Variants in PBRM1 observed in about 807,000 individuals in gnomAD.
PBRM1 encodes the protein polybromo 1, also known as protein polybromo-1.
Under a neutral mutation model 194.5 loss-of-function variants are expected in PBRM1, and 27 were observed. That is an observed-to-expected ratio of 0.14 (90% CI 0.10 to 0.19). The LOEUF (loss-of-function observed/expected upper bound fraction) is 0.19. Among genes scored for constraint, PBRM1 ranks in the 10% least tolerant of loss-of-function variants. The pLI is 1.00. For synonymous variants in PBRM1, 655 were observed against 693.2 expected (o/e 0.94, Z 0.87); for missense variants, 1,466 against 2,077.2 (o/e 0.71, Z 5.72).
chr3:52,640,831 G>C (rs1251992986), intron 10 of PBRM1, among the ~76,000 whole-genome samples: 1 of 151,726 alleles, frequency 6.6e-6, no homozygotes, highest in African/African-American at 2.4e-5. Flanking sequence ...TAGAGACACG[G>C]TTTCACCATG....
At chr3:52,684,570 T>C (rs2097278216), upstream of PBRM1, among the ~76,000 whole-genome samples, 1 of 152,250 alleles carries the variant, frequency 6.6e-6, no homozygotes, top group Non-Finnish European at 1.5e-5. Flanking sequence ...TTTTGGTATT[T>C]ATGCCTTAGT....
At chr3:52,572,503 C>G (rs2153614886) in intron 22 of PBRM1, among the ~76,000 whole-genome samples, 1 of 152,274 alleles carries the variant, frequency 6.6e-6, no homozygotes, top group East Asian at 1.9e-4. Context: ...CTCTGAGTAG[C>G]CGGGATTACA....
chr3:52,594,599 T>C (rs960259354), intron 17 of PBRM1, among the ~76,000 whole-genome samples: 2 of 152,244 alleles, frequency 1.3e-5, no homozygotes, highest in African/African-American at 4.8e-5. Flanking sequence ...AAGGTCAGTA[T>C]TGATATGTAT....
At chr3:52,613,354 A>C (rs990008710) in intron 15 of PBRM1, among the ~76,000 whole-genome samples, 1 of 134,872 alleles carries the variant, frequency 7.4e-6, no homozygotes, top group Admixed American at 7.3e-5. Context: ...TTTTTTTTGG[A>C]GGCAGGGTCT....
chr3:52,554,609 G>A (rs748355675), intron 27 of PBRM1, 115 bp downstream of exon 29: 11 of 827,402 alleles, frequency 1.3e-5, no homozygotes, highest in Non-Finnish European at 1.8e-5. Flanking sequence ...TGGATTCTCA[G>A]GGAGGGAAGG....
At position 52,651,967 on chromosome 3, in the gene PBRM1, C is replaced by A. The variant is rs573719349; in HGVS notation, c.646-157G>T. ...TGGCTGTACAGCACATTTATTATAT[C>A]AGAACCATAAAGAATTTAATCTTAA... On this transcript the variant is annotated intron_variant, in intron 5 of 29. Coordinates refer to ENST00000296302, the Ensembl canonical transcript of PBRM1. 7.2e-5 allele frequency among the ~76,000 whole-genome samples: 11 copies of A among 152,342 alleles called. No homozygotes were observed. The East Asian group carries it at 1.9e-3, about 27-fold the overall frequency.
intron 2 of PBRM1, among the ~76,000 whole-genome samples, chr3:52,671,456 C>T (rs1056184192): frequency 2.6e-5 from 4 of 152,196 alleles, no homozygotes; most frequent in African/African-American, 9.7e-5. Flanking sequence ...GTTTTGTATA[C>T]TTCAGTGTGA....
chr3:52,552,191 C>T (rs2081141933), intron 27 of PBRM1, among the ~76,000 whole-genome samples: 2 of 152,174 alleles, frequency 1.3e-5, no homozygotes, highest in African/African-American at 2.4e-5. Context: ...CCTCCCTGTG[C>T]CCTGGGACAC....
At chr3:52,674,794 T>C (rs190913848) in intron 2 of PBRM1, among the ~76,000 whole-genome samples, 15 of 150,694 alleles carry the variant, frequency 1.0e-4, no homozygotes, top group Admixed American at 5.3e-4. Flanking sequence ...ATATATACAA[T>C]ATATATATTT....
chr3:52,660,100 A>G (rs2153888738), intron 4 of PBRM1, among the ~76,000 whole-genome samples: 1 of 152,262 alleles, frequency 6.6e-6, no homozygotes, highest in East Asian at 1.9e-4. Context: ...CAAAAAAACA[A>G]AATTTGAAAG....
chr3:52,654,855 A>T (rs1368098911), intron 5 of PBRM1, among the ~76,000 whole-genome samples: 2 of 152,072 alleles, frequency 1.3e-5, no homozygotes, highest in Admixed American at 1.3e-4. Context: ...TGGCATGATC[A>T]CAGCTCACTG....
At chr3:52,580,752 T>A (rs2090952426) in intron 20 of PBRM1, among the ~76,000 whole-genome samples, 1 of 152,216 alleles carries the variant, frequency 6.6e-6, no homozygotes, top group Non-Finnish European at 1.5e-5. Flanking sequence ...TATGCCTTAG[T>A]TTCCTCATTT....
chr3:52,586,530 C>T (rs2092412955), exon 20 of PBRM1: 1 of 1,613,858 alleles, frequency 6.2e-7, no homozygotes, highest in African/African-American at 1.3e-5. Context: ...CCACGCGAAC[C>T]ACAGGCAGAG....
chr3:52,676,364 A>T (rs2097105448), intron 2 of PBRM1, among the ~76,000 whole-genome samples: 1 of 152,118 alleles, frequency 6.6e-6, no homozygotes, highest in Admixed American at 6.5e-5. Flanking sequence ...TGAATCATGG[A>T]GGCCAGTCTT....
At chr3:52,635,583 CA>C (rs1253344765) in intron 10 of PBRM1, among the ~76,000 whole-genome samples, 1 of 151,682 alleles carries the variant, frequency 6.6e-6, no homozygotes, top group African/African-American at 2.4e-5. Context: ...AATACAAAAA[CA>C]AAAAAACCTC....
At chr3:52,660,663 C>T (rs933801374) in intron 4 of PBRM1, among the ~76,000 whole-genome samples, 8 of 151,966 alleles carry the variant, frequency 5.3e-5, no homozygotes, top group African/African-American at 1.9e-4. Flanking sequence ...CAGGTGCCCA[C>T]CACCATGCCC....
At chr3:52,666,403 G>T (rs1320557571) in intron 3 of PBRM1, among the ~76,000 whole-genome samples, 1 of 152,134 alleles carries the variant, frequency 6.6e-6, no homozygotes, top group Non-Finnish European at 1.5e-5. Context: ...AGGCATGATG[G>T]TGGGTGCCTA....
intron 20 of PBRM1, among the ~76,000 whole-genome samples, chr3:52,581,528 G>T (rs1418449832): frequency 6.6e-6 from 1 of 151,598 alleles, no homozygotes; most frequent in African/African-American, 2.4e-5. Flanking sequence ...AATCAGAGAG[G>T]TTCCATATAC....
intron 22 of PBRM1, among the ~76,000 whole-genome samples, chr3:52,567,991 T>C (rs2085891730): frequency 1.3e-5 from 2 of 152,024 alleles, no homozygotes; most frequent in African/African-American, 4.8e-5. Context: ...TAGTTTCTTT[T>C]TTTTTAAGAT....
Sources: allele counts gnomAD v4.1 joint callset (sites outside exome capture counted in the v4.1 genomes callset), GRCh38; gene constraint gnomAD v4.1.1; transcripts MANE v1.5; gene names NCBI Gene and HGNC (gene_info 2026-07-23, HGNC 2026-07-21).